Variants in CATSPERQ observed in about 807,000 individuals in gnomAD.
CATSPERQ encodes the protein cation channel sperm-associated auxiliary subunit theta.
chr8:144,353,684 C>A, the CATSPERQ span: 9 of 1,496,140 alleles, frequency 6.0e-6, no homozygotes, highest in Non-Finnish European at 8.1e-6. Flanking sequence ...GTTGTATTTA[C>A]CCTCTGCGTG....
the CATSPERQ span, chr8:144,354,683 C>T: frequency 3.9e-6 from 6 of 1,535,580 alleles, no homozygotes; most frequent in East Asian, 1.2e-4. The surrounding 1 kb of genome is among the most constrained non-coding windows in gnomAD (Gnocchi z 4.6). Flanking sequence ...AGGTGGCGCT[C>T]CGGGCAGGTG....
At chr8:144,354,745 C>A in the CATSPERQ span, 8 of 1,535,372 alleles carry the variant, frequency 5.2e-6, no homozygotes, top group Non-Finnish European at 7.0e-6. The surrounding 1 kb of genome is among the most constrained non-coding windows in gnomAD (Gnocchi z 4.6). Context: ...CGTGGGCAGG[C>A]TGCCGGCCCG....
At chr8:144,354,279 G>A in the CATSPERQ span, 1 of 1,535,086 alleles carries the variant, frequency 6.5e-7, no homozygotes, top group Non-Finnish European at 8.7e-7. The surrounding 1 kb of genome is among the most constrained non-coding windows in gnomAD (Gnocchi z 4.6). Context: ...CGCTGATGAT[G>A]AAGAGCAGCA....
At chr8:144,353,868 G>C in the CATSPERQ span, 1 of 1,534,364 alleles carries the variant, frequency 6.5e-7, no homozygotes, top group East Asian at 2.4e-5. Flanking sequence ...CGTGGGCTGC[G>C]GGGAGAGCGG....
At chr8:144,354,559 C>T in the CATSPERQ span, 2 of 598,366 alleles carry the variant, frequency 3.3e-6, no homozygotes, top group Non-Finnish European at 2.8e-6. This position sits in a 1 kb window ranked among gnomAD's most constrained non-coding sequence, Gnocchi z 4.6. Flanking sequence ...TCTCCCTCCT[C>T]CCCCGCCCCG....
At chr8:144,353,375 G>T in the CATSPERQ span, 2 of 1,535,166 alleles carry the variant, frequency 1.3e-6, no homozygotes, top group Non-Finnish European at 1.7e-6. Flanking sequence ...ACTGAGAGGA[G>T]CTGGGCTTGT....
chr8:144,353,670 C>T, the CATSPERQ span: 32 of 1,473,162 alleles, frequency 2.2e-5, no homozygotes, highest in East Asian at 7.2e-4. Flanking sequence ...GCACCGAAGA[C>T]CGTGTTGTAT....
At chr8:144,354,824 C>T in the CATSPERQ span, 1 of 1,513,276 alleles carries the variant, frequency 6.6e-7, no homozygotes, top group Non-Finnish European at 8.8e-7. The surrounding 1 kb of genome is among the most constrained non-coding windows in gnomAD (Gnocchi z 4.6). Flanking sequence ...CGCCCACTGC[C>T]CACAGCGGCA....
the CATSPERQ span, chr8:144,354,544 GC>G: frequency 2.4e-5 from 35 of 1,438,336 alleles, no homozygotes; most frequent in Non-Finnish European, 3.0e-5. The surrounding 1 kb of genome is among the most constrained non-coding windows in gnomAD (Gnocchi z 4.6). Context: ...CAGGCCTCGG[GC>G]CCGTCTCCCT....
chr8:144,353,256 G>A, the CATSPERQ span: 5 of 1,395,172 alleles, frequency 3.6e-6, no homozygotes, highest in Non-Finnish European at 4.7e-6. Context: ...TTGAAAGGAA[G>A]GCCAGTGAGT....
chr8:144,354,342 C>T, the CATSPERQ span: 1 of 1,532,342 alleles, frequency 6.5e-7, no homozygotes, highest in African/African-American at 1.4e-5. The surrounding 1 kb of genome is among the most constrained non-coding windows in gnomAD (Gnocchi z 4.6). Flanking sequence ...CTGGGGGTGG[C>T]GCGGCGCGTG....
the CATSPERQ span, chr8:144,354,263 G>A: frequency 2.0e-6 from 3 of 1,536,458 alleles, no homozygotes; most frequent in African/African-American, 2.7e-5. This position sits in a 1 kb window ranked among gnomAD's most constrained non-coding sequence, Gnocchi z 4.6. Flanking sequence ...AAGCTGACCA[G>A]GACCACGCTG....
chr8:144,353,286 C>T, the CATSPERQ span: 2 of 1,465,124 alleles, frequency 1.4e-6, no homozygotes, highest in Middle Eastern at 2.5e-4. Flanking sequence ...ATTTGATCTG[C>T]CCCAGAGTGG....
the CATSPERQ span, chr8:144,354,411 A>G: frequency 6.3e-6 from 9 of 1,438,920 alleles, no homozygotes; most frequent in Non-Finnish European, 8.4e-6. This position sits in a 1 kb window ranked among gnomAD's most constrained non-coding sequence, Gnocchi z 4.6. Flanking sequence ...GGCCCGGACT[A>G]GCTGGGTCCG....
chr8:144,354,090 G>T, the CATSPERQ span: 2 of 1,535,340 alleles, frequency 1.3e-6, no homozygotes, highest in South Asian at 1.2e-5. The surrounding 1 kb of genome is among the most constrained non-coding windows in gnomAD (Gnocchi z 4.6). Flanking sequence ...ACGAGATCAC[G>T]AGCCACAGGC....
At chr8:144,354,427 G>T in the CATSPERQ span, 1 of 1,343,010 alleles carries the variant, frequency 7.4e-7, no homozygotes, top group Non-Finnish European at 9.9e-7. This position sits in a 1 kb window ranked among gnomAD's most constrained non-coding sequence, Gnocchi z 4.6. Context: ...GTCCGCGCAG[G>T]GCTCGCGGAG....
At chr8:144,354,559 CCCCCGCCCCGCCCTTCCCAG>C in the CATSPERQ span, 6 of 598,286 alleles carry the variant, frequency 1.0e-5, no homozygotes, top group Admixed American at 3.1e-5. This position sits in a 1 kb window ranked among gnomAD's most constrained non-coding sequence, Gnocchi z 4.6. Flanking sequence ...TCTCCCTCCT[CCCCCGCCCCGCCCTTCCCAG>C]CCCCGCCCCG....
the CATSPERQ span, chr8:144,353,310 C>T: frequency 1.6e-5 from 24 of 1,495,126 alleles, no homozygotes; most frequent in Non-Finnish European, 2.1e-5. Flanking sequence ...TGGGAGGTTA[C>T]CGAGAACACA....
At chr8:144,354,578 A>AACCACCCCC in the CATSPERQ span, 1 of 221,158 alleles carries the variant, frequency 4.5e-6, no homozygotes, top group Non-Finnish European at 7.0e-6. This position sits in a 1 kb window ranked among gnomAD's most constrained non-coding sequence, Gnocchi z 4.6. Flanking sequence ...CGCCCTTCCC[A>AACCACCCCC]GCCCCGCCCC....
Sources: gnomAD v4.1 joint callset for allele counts on GRCh38, gnomAD v4.1.1 for gene constraint, Gnocchi (gnomAD v3.1) non-coding constraint, MANE v1.5 for transcripts, NCBI Gene and HGNC (gene_info 2026-07-23, HGNC 2026-07-21) for gene names.